CACNG2: variants seen among roughly 807,000 people sequenced by gnomAD.
CACNG2 encodes the protein voltage-dependent calcium channel gamma-2 subunit.
In CACNG2, 3 loss-of-function variants were observed where a neutral mutation model predicts 25.9. That is an observed-to-expected ratio of 0.12 (90% CI 0.05 to 0.30). The LOEUF (loss-of-function observed/expected upper bound fraction) is 0.30. CACNG2 is among the 10% of genes least tolerant of loss of function. The pLI, the probability that CACNG2 is intolerant of heterozygous loss-of-function variation, is 1.00. For missense variants in CACNG2, 341 were observed against 432.5 expected, an observed-to-expected ratio of 0.79 and a Z score of 1.88; for synonymous variants, 167 against 173.3, an observed-to-expected ratio of 0.96 and a Z score of 0.29.
chr22:36,674,946 A>G (rs1024763167), intron 1 of CACNG2, among the ~76,000 whole-genome samples: 4 of 152,242 alleles, frequency 2.6e-5, no homozygotes, highest in Non-Finnish European at 4.4e-5. Flanking sequence ...GAAGATTAAC[A>G]TGAGATAACA....
At chr22:36,578,995 C>T (rs569529437) in intron 2 of CACNG2, among the ~76,000 whole-genome samples, 5 of 152,280 alleles carry the variant, frequency 3.3e-5, no homozygotes, top group South Asian at 2.1e-4. Flanking sequence ...ACAGCAGCCT[C>T]GTCCTACATT....
At chr22:36,688,041 G>A (rs1937223561) in intron 1 of CACNG2, among the ~76,000 whole-genome samples, 1 of 152,060 alleles carries the variant, frequency 6.6e-6, no homozygotes, top group African/African-American at 2.4e-5. Flanking sequence ...AGCAGCAATA[G>A]GAAACATACA....
rs1219016530 is a variant in CACNG2, at chr22:36,667,965, G to A, written c.211+34401C>T. On this transcript the variant is annotated intron_variant, in intron 1 of 3. Transcript: ENST00000300105. ...GTTCACCACCACCATCAAACAGCAA[G>A]CACACCCTGCTCTTGCCTCATGCTG... Among the ~76,000 whole-genome samples, 12 of 152,200 alleles carry A rather than the reference G, an allele frequency of 7.9e-5. No homozygotes were observed. The East Asian group carries it at 2.1e-3, about 27-fold the overall frequency.
intron 1 of CACNG2, among the ~76,000 whole-genome samples, chr22:36,592,278 G>A (rs534916433): frequency 6.7e-6 from 1 of 149,770 alleles, no homozygotes; most frequent in African/African-American, 2.5e-5. Flanking sequence ...ATGCTTTTGA[G>A]CCTGGGGTTG....
chr22:36,651,755 C>A (rs1272739374), intron 1 of CACNG2, among the ~76,000 whole-genome samples: 1 of 152,178 alleles, frequency 6.6e-6, no homozygotes, highest in Non-Finnish European at 1.5e-5. Flanking sequence ...GATGCCCAGT[C>A]AATATTTGTT....
At chr22:36,611,333 C>T (rs1480371564) in intron 1 of CACNG2, among the ~76,000 whole-genome samples, 1 of 152,174 alleles carries the variant, frequency 6.6e-6, no homozygotes, top group Non-Finnish European at 1.5e-5. Flanking sequence ...GTGGCTGCAG[C>T]ATGTGACCAC....
intron 1 of CACNG2, among the ~76,000 whole-genome samples, chr22:36,618,695 C>A (rs4820244): frequency 0.7 from 106,901 of 151,802 alleles, 38,043 homozygotes; most frequent in East Asian, 0.82. Context: ...CTGAGGCGAG[C>A]GGATCATGAG....
chr22:36,621,952 A>G (rs970189716), intron 1 of CACNG2, among the ~76,000 whole-genome samples: 1 of 152,248 alleles, frequency 6.6e-6, no homozygotes, highest in Non-Finnish European at 1.5e-5. Flanking sequence ...GCCAAAGACG[A>G]CAACAATTAA....
intron 1 of CACNG2, among the ~76,000 whole-genome samples, chr22:36,693,071 A>G (rs1166291428): frequency 2.0e-5 from 3 of 152,174 alleles, no homozygotes; most frequent in Non-Finnish European, 4.4e-5. Flanking sequence ...GCTTTAACCC[A>G]GCAGACGGAG....
In CACNG2 at chr22:36,631,724, T is replaced by G. The variant is rs560364566; in HGVS notation, c.212-44176A>C. Among the ~76,000 whole-genome samples the G allele has an allele frequency of 3.1e-4, 46 of 147,462 alleles. No individual in the cohort carries two copies. The South Asian group carries it at 9.3e-3, about 30-fold the overall frequency. Reference sequence around the variant, plus strand: ...GGCAAACTAGCTGGAACTGCCCGGTTATGTGAGCAACTCTTTTTTTTTTTT... The same window carrying G: ...GGCAAACTAGCTGGAACTGCCCGGTGATGTGAGCAACTCTTTTTTTTTTTT... On this transcript the variant is annotated intron_variant, in intron 1 of 3. Transcript: ENST00000300105.
At chr22:36,565,020 G>T in intron 3 of CACNG2, 134 bp from the exon 4 acceptor site, 1 of 753,664 alleles carries the variant, frequency 1.3e-6, no homozygotes, top group Non-Finnish European at 2.3e-6. Flanking sequence ...TTCATGAACA[G>T]GTGGGGCGGT....
chr22:36,624,563 T>C (rs1936155207), intron 1 of CACNG2, among the ~76,000 whole-genome samples: 1 of 152,164 alleles, frequency 6.6e-6, no homozygotes, highest in Admixed American at 6.5e-5. Context: ...TTTCTACTCC[T>C]TTCTTTCCTG....
intron 1 of CACNG2, among the ~76,000 whole-genome samples, chr22:36,607,832 ACT>A (rs1935868051): frequency 6.6e-6 from 1 of 151,752 alleles, no homozygotes; most frequent in African/African-American, 2.4e-5. Flanking sequence ...CTCAGCTCTG[ACT>A]CTGCCATCAT....
intron 1 of CACNG2, among the ~76,000 whole-genome samples, chr22:36,678,599 A>T (rs968388370): frequency 2.0e-5 from 3 of 151,440 alleles, no homozygotes. Context: ...ATTTGCCTCC[A>T]TCCTTCCCCC....
At chr22:36,569,902 G>A (rs1337979770) in intron 2 of CACNG2, among the ~76,000 whole-genome samples, 2 of 152,176 alleles carry the variant, frequency 1.3e-5, no homozygotes, top group African/African-American at 4.8e-5. Context: ...AGCCACAAAG[G>A]GGAATGACAG....
intron 1 of CACNG2, among the ~76,000 whole-genome samples, chr22:36,638,276 C>T (rs1936389307): frequency 6.6e-6 from 1 of 152,178 alleles, no homozygotes; most frequent in South Asian, 2.1e-4. Context: ...AGAACAGGAG[C>T]AGATTGACGC....
At chr22:36,647,863 TTG>T (rs71789151) in intron 1 of CACNG2, among the ~76,000 whole-genome samples, 6 of 151,632 alleles carry the variant, frequency 4.0e-5, no homozygotes, top group Non-Finnish European at 7.4e-5. Context: ...CAGTTTGTAG[TTG>T]TGTGTGTGTG....
At chr22:36,625,063 G>A (rs557653236) in intron 1 of CACNG2, among the ~76,000 whole-genome samples, 1 of 142,586 alleles carries the variant, frequency 7.0e-6, no homozygotes, top group Admixed American at 7.2e-5. Context: ...TTAATCCTTG[G>A]GGTCCCTTCC....
At chr22:36,668,325 C>A (rs1038370819) in intron 1 of CACNG2, among the ~76,000 whole-genome samples, 7 of 152,178 alleles carry the variant, frequency 4.6e-5, no homozygotes, top group Non-Finnish European at 1.5e-5. Context: ...GAAACTGAGC[C>A]AATAGAATAT....
Sources: allele counts gnomAD v4.1 joint callset (sites outside exome capture counted in the v4.1 genomes callset), GRCh38; gene constraint gnomAD v4.1.1; transcripts MANE v1.5; gene names NCBI Gene and HGNC (gene_info 2026-07-23, HGNC 2026-07-21).